Variants in R3HDM1 observed in about 807,000 individuals in gnomAD.
R3HDM1 encodes R3H domain-containing protein 1.
R3HDM1 carries 46 observed loss-of-function variants against 141.1 expected under a neutral mutation model. That is an observed-to-expected ratio of 0.33 (90% CI 0.26 to 0.42). The LOEUF is 0.42. Ranked by LOEUF, R3HDM1 falls within the 10% of genes least tolerant of loss-of-function variation. The pLI is 1.00. For missense variants in R3HDM1, 1,184 were observed against 1,368.3 expected, an observed-to-expected ratio of 0.87 and a Z score of 2.12; for synonymous variants, 435 against 472.9, an observed-to-expected ratio of 0.92 and a Z score of 1.04.
intron 1 of R3HDM1, among the ~76,000 whole-genome samples, chr2:135,580,114 G>T (rs546773427): frequency 4.3e-4 from 65 of 152,256 alleles, no homozygotes; most frequent in African/African-American, 1.4e-3. Context: ...GCCGGGCATG[G>T]TGGCATGCAC....
At chr2:135,698,316 C>T (rs534322907) in intron 21 of R3HDM1, among the ~76,000 whole-genome samples, 21 of 151,618 alleles carry the variant, frequency 1.4e-4, no homozygotes, top group Non-Finnish European at 2.9e-4. Flanking sequence ...CCCACCACCA[C>T]GCCCAGCTAA....
At chr2:135,557,665 A>G (rs763927566) in intron 1 of R3HDM1, among the ~76,000 whole-genome samples, 9 of 152,220 alleles carry the variant, frequency 5.9e-5, no homozygotes, top group Non-Finnish European at 1.3e-4. Context: ...ATCATATGGC[A>G]TATTCTGAAT....
chr2:135,721,944 C>G lies in R3HDM1; in HGVS notation c.2902C>G (p.Leu968Val). 1 of 1,613,676 alleles carries G rather than the reference C, an allele frequency of 6.2e-7. No individual in the cohort carries two copies. The highest frequency in any genetic ancestry group is 8.5e-7 in the Non-Finnish European group (1 of 1,179,614). ...PGQGDSRYPLLGQPLQYNPPA... is the reference protein window; with the variant it reads ...PGQGDSRYPLVGQPLQYNPPA... ...TTCAGGAGATTCCAGGTATCCATTACTTGGCCAGCCACTGCAGTACAATCC... is the reference window on the plus strand; with the variant it reads ...TTCAGGAGATTCCAGGTATCCATTAGTTGGCCAGCCACTGCAGTACAATCC... The change falls in exon 25 of 27, where the codon CTT (leucine) becomes GTT (valine). Residue 968 changes from leucine (L) to valine (V), a missense_variant. By Grantham distance (32) the Leu-to-Val change is conservative (BLOSUM62 1). This residue lies in a region of R3HDM1 where 182 missense variants were observed against 252.6 expected (regional missense o/e 0.72). Coordinates refer to ENST00000683871, the MANE Select transcript of R3HDM1 (RefSeq NM_001378107.1).
intron 19 of R3HDM1, chr2:135,669,210 T>G (rs902232326): frequency 1.0e-6 from 1 of 985,262 alleles, no homozygotes; most frequent in Non-Finnish European, 1.2e-6. Flanking sequence ...TTGCGGGTAG[T>G]GGACAAACCA....
At chr2:135,659,304 C>A (rs1368291128) in intron 18 of R3HDM1, among the ~76,000 whole-genome samples, 1 of 151,972 alleles carries the variant, frequency 6.6e-6, no homozygotes, top group Non-Finnish European at 1.5e-5. Flanking sequence ...ACCATGTCGC[C>A]CAGGCTGGTC....
chr2:135,620,666 T>C, intron 5 of R3HDM1: 1 of 959,324 alleles, frequency 1.0e-6, no homozygotes, highest in Non-Finnish European at 1.2e-6. Flanking sequence ...GGCTACACTT[T>C]TATCTTTAGT....
intron 6 of R3HDM1, 179 bp downstream of exon 6, chr2:135,621,787 G>T: frequency 2.1e-6 from 2 of 966,520 alleles, no homozygotes; most frequent in Non-Finnish European, 2.4e-6. Context: ...CCATATATCA[G>T]TAAGACGTTT....
chr2:135,661,022 AAGAG>A (rs766892227), intron 18 of R3HDM1, among the ~76,000 whole-genome samples: 2 of 152,064 alleles, frequency 1.3e-5, no homozygotes, highest in South Asian at 4.1e-4. Context: ...TTGGTTTTGT[AAGAG>A]AGAGAGCTGA....
chr2:135,711,963 T>TAAAAAAAA (rs35616482), intron 23 of R3HDM1, among the ~76,000 whole-genome samples: 4 of 85,092 alleles, frequency 4.7e-5, no homozygotes, highest in Admixed American at 1.5e-4. Flanking sequence ...TGTCTAAAAT[T>TAAAAAAAA]AAAAAAAAAA....
At chr2:135,723,554 C>T (rs1264994136) in intron 26 of R3HDM1, among the ~76,000 whole-genome samples, 3 of 151,220 alleles carry the variant, frequency 2.0e-5, no homozygotes, top group Non-Finnish European at 4.4e-5. Flanking sequence ...GGTGGATTGC[C>T]TGAACTCAGG....
At chr2:135,657,899 T>C (rs2066128541) in intron 18 of R3HDM1, among the ~76,000 whole-genome samples, 1 of 152,210 alleles carries the variant, frequency 6.6e-6, no homozygotes, top group South Asian at 2.1e-4. Context: ...CATTTAATGA[T>C]AGAGATACAT....
chr2:135,626,204 C>CTT (rs1559280327), intron 7 of R3HDM1, among the ~76,000 whole-genome samples: 6 of 138,956 alleles, frequency 4.3e-5, no homozygotes, highest in South Asian at 2.1e-4. Flanking sequence ...TGCGTGCGTG[C>CTT]GTGCGTGCTT....
chr2:135,586,386 A>C (rs917643617), intron 1 of R3HDM1: 1 of 152,776 alleles, frequency 6.5e-6, no homozygotes, highest in African/African-American at 2.4e-5. Context: ...ATGCCAGACT[A>C]ATCAGCTGGA....
Position 135,651,943 on chromosome 2 carries a change from G to T in R3HDM1, c.1939G>T (p.Val647Phe). Reference sequence around the variant, plus strand: ...TCCTCCCCTACCACCTGGGCAGCCAGTCCCTACTGCTGGATATCCTGCCTC... The same window carrying T: ...TCCTCCCCTACCACCTGGGCAGCCATTCCCTACTGCTGGATATCCTGCCTC... Reference protein sequence around the residue: ...PPPPLPPGQPVPTAGYPASGH... With the variant: ...PPPPLPPGQPFPTAGYPASGH... The change falls in exon 18 of 27, where the codon GTC (valine) becomes TTC (phenylalanine). Residue 647 changes from valine to phenylalanine, a missense_variant. Val to Phe is a conservative substitution (Grantham distance 50). Transcript: ENST00000683871. 6.2e-7 allele frequency: 1 copy of T among 1,612,450 alleles called. No homozygotes were observed.
chr2:135,616,163 G>A lies in R3HDM1; in HGVS notation c.183G>A (p.Gln61=). 5.0e-6 allele frequency: 8 copies of A among 1,613,232 alleles called. No homozygotes were observed. The highest frequency in any genetic ancestry group is 6.8e-6 in the Non-Finnish European group (8 of 1,179,238). Reference sequence around the variant, plus strand: ...TCTTGTATATTCAGCGGCCATTGCAGTCATTTGGACAGACAGGAAAAAGGT... The same window carrying A: ...TCTTGTATATTCAGCGGCCATTGCAATCATTTGGACAGACAGGAAAAAGGT... The part of the protein sequence containing the change: ...ENNIDLQRPL[Q]SFGQTGKRSK... The change falls in exon 4 of 27, where the codon CAG becomes CAA. Residue 61 remains glutamine (Q), a synonymous_variant. Transcript: ENST00000683871.
intron 17 of R3HDM1, chr2:135,650,353 A>AT: frequency 1.0e-6 from 1 of 984,890 alleles, no homozygotes; most frequent in Non-Finnish European, 1.2e-6. Flanking sequence ...TAGGCATTCT[A>AT]TTTTCTCCCC....
chr2:135,607,489 A>G (rs1038557196), intron 3 of R3HDM1, among the ~76,000 whole-genome samples: 8 of 152,212 alleles, frequency 5.3e-5, no homozygotes, highest in African/African-American at 9.7e-5. Flanking sequence ...CATTTTTACT[A>G]ATAGCACTTT....
intron 1 of R3HDM1, among the ~76,000 whole-genome samples, chr2:135,571,058 C>T (rs943516569): frequency 6.6e-6 from 1 of 152,026 alleles, no homozygotes; most frequent in East Asian, 1.9e-4. Context: ...TTAAAACATG[C>T]CTATACTGCC....
In R3HDM1 at chr2:135,649,885, A is replaced by G. The variant is rs2064955032; in HGVS notation, c.1624-17A>G. ...TATTCTGACATTAACATTGTTTGCCAACCTGTTATTCTTTAGCCTGTTCAT... is the reference window on the plus strand; with the variant it reads ...TATTCTGACATTAACATTGTTTGCCGACCTGTTATTCTTTAGCCTGTTCAT... On this transcript the variant is annotated splice_polypyrimidine_tract_variant and intron_variant, in intron 16 of 26. Coordinates refer to ENST00000683871, the MANE Select transcript of R3HDM1 (RefSeq NM_001378107.1). 8.3e-7 allele frequency: 1 copy of G among 1,202,982 alleles called. No individual in the cohort carries two copies. Among genetic ancestry groups the G allele is most frequent in the Non-Finnish European group, 1.1e-6 (1 of 934,382 alleles). 74.5% of individuals were successfully genotyped at this position (1,202,982 alleles called of 1,614,324 possible). A position where few individuals can be genotyped will look rare whatever the true frequency, so the allele number is the denominator to read the frequency against.
Sources: allele counts gnomAD v4.1 joint callset (sites outside exome capture counted in the v4.1 genomes callset), GRCh38; gene constraint gnomAD v4.1.1; regional missense constraint gnomAD v4.1.1; transcripts MANE v1.5; gene names NCBI Gene and HGNC (gene_info 2026-07-23, HGNC 2026-07-21).